Variants in ADAMTS12 observed in about 807,000 individuals in gnomAD.
The protein encoded by ADAMTS12 is A disintegrin and metalloproteinase with thrombospondin motifs 12.
In ADAMTS12, 118 loss-of-function variants were observed where a neutral mutation model predicts 167.8. The observed-to-expected ratio is 0.70, with a 90% confidence interval of 0.61 to 0.82. The LOEUF (loss-of-function observed/expected upper bound fraction) is 0.82, where lower values mean the gene tolerates loss of function less well. ADAMTS12 is among the 40% of genes least tolerant of loss of function. ADAMTS12 has a pLI of 0.00. For missense variants in ADAMTS12, 1,916 were observed against 1,998.8 expected, an observed-to-expected ratio of 0.96 and a Z score of 0.79; for synonymous variants, 704 against 716.9, an observed-to-expected ratio of 0.98 and a Z score of 0.29.
At chr5:33,871,003 A>G (rs1451988443) in intron 2 of ADAMTS12, among the ~76,000 whole-genome samples, 1 of 152,210 alleles carries the variant, frequency 6.6e-6, no homozygotes. Context: ...TAGCCATGTG[A>G]CAATGAATTA....
rs147276698 is a variant in ADAMTS12, at chr5:33,874,938, C to T, written c.489+6181G>A. On this transcript the variant is annotated intron_variant, in intron 2 of 23. Coordinates refer to ENST00000504830, the MANE Select transcript of ADAMTS12 (RefSeq NM_030955.4). Reference sequence around the variant, plus strand: ...CAAAAATTAGCTGGGCATTGTGGCACGTGCCTATAATCCTGGCTACTCGGG... The same window carrying T: ...CAAAAATTAGCTGGGCATTGTGGCATGTGCCTATAATCCTGGCTACTCGGG... Among the ~76,000 whole-genome samples the T allele has an allele frequency of 1.5e-3, 221 of 152,188 alleles. 2 individuals are homozygous for T. Among genetic ancestry groups the T allele is most frequent in the African/African-American group, 5.2e-3 (215 of 41,534 alleles).
At chr5:33,762,455 C>A (rs562670456) in intron 2 of ADAMTS12, among the ~76,000 whole-genome samples, 8 of 151,970 alleles carry the variant, frequency 5.3e-5, no homozygotes, top group South Asian at 2.1e-4. Context: ...TTGCAGTGAG[C>A]CGAGATCGTG....
At chr5:33,861,398 C>G (rs1041295387) in intron 2 of ADAMTS12, among the ~76,000 whole-genome samples, 2 of 152,112 alleles carry the variant, frequency 1.3e-5, no homozygotes, top group Non-Finnish European at 2.9e-5. Flanking sequence ...ATAAAACAGA[C>G]TTTAAGCCAA....
chr5:33,617,651 C>T (rs1315117166), intron 14 of ADAMTS12, among the ~76,000 whole-genome samples: 2 of 152,094 alleles, frequency 1.3e-5, no homozygotes, highest in African/African-American at 2.4e-5. Context: ...AAATGCCCTC[C>T]GAGTGTTGCT....
At chr5:33,885,568 G>A (rs1037147893) in intron 1 of ADAMTS12, among the ~76,000 whole-genome samples, 4 of 152,196 alleles carry the variant, frequency 2.6e-5, no homozygotes, top group African/African-American at 7.2e-5. Flanking sequence ...GGAGAGTGCT[G>A]TGCTGGCTTA....
intron 3 of ADAMTS12, among the ~76,000 whole-genome samples, chr5:33,693,448 G>A (rs1220911478): frequency 6.6e-6 from 1 of 152,076 alleles, no homozygotes; most frequent in East Asian, 1.9e-4. Context: ...CATATTTACA[G>A]TTTGTTCTAA....
intron 3 of ADAMTS12, among the ~76,000 whole-genome samples, chr5:33,747,841 T>C (rs1031524898): frequency 6.6e-6 from 1 of 152,180 alleles, no homozygotes. Context: ...CAGGACTAGA[T>C]CTCTACTTAC....
At chr5:33,656,983 T>C (rs1005376947) in intron 7 of ADAMTS12, among the ~76,000 whole-genome samples, 3 of 152,176 alleles carry the variant, frequency 2.0e-5, no homozygotes, top group Non-Finnish European at 2.9e-5. Context: ...CAAGGCCTTT[T>C]TGGTGAGAAT....
chr5:33,775,677 T>C (rs560349962), intron 2 of ADAMTS12, among the ~76,000 whole-genome samples: 1 of 152,282 alleles, frequency 6.6e-6, no homozygotes, highest in South Asian at 2.1e-4. Context: ...TACGAAATGA[T>C]GCATTGAAGA....
intron 5 of ADAMTS12, among the ~76,000 whole-genome samples, chr5:33,666,865 G>A (rs34141937): frequency 0.34 from 51,676 of 151,910 alleles, 9,134 homozygotes; most frequent in African/African-American, 0.45. Context: ...AGATTAATCC[G>A]TTTTTTATAT....
chr5:33,621,110 C>A (rs534105066), intron 14 of ADAMTS12, among the ~76,000 whole-genome samples: 1 of 152,176 alleles, frequency 6.6e-6, no homozygotes, highest in African/African-American at 2.4e-5. Flanking sequence ...CAGTCTTGAG[C>A]ACATTGAGCT....
chr5:33,813,838 C>G (rs200228621), intron 2 of ADAMTS12, among the ~76,000 whole-genome samples: 1 of 152,208 alleles, frequency 6.6e-6, no homozygotes, highest in South Asian at 2.1e-4. Flanking sequence ...ACATGCTGTG[C>G]CCCCTGAGCT....
chr5:33,591,995 C>T (rs1217084645), intron 17 of ADAMTS12, among the ~76,000 whole-genome samples: 5 of 151,600 alleles, frequency 3.3e-5, no homozygotes, highest in Admixed American at 1.3e-4. Flanking sequence ...CTGAGGTGGG[C>T]GGATCACCTG....
intron 6 of ADAMTS12, 30 bp downstream of exon 6, chr5:33,661,886 C>T (rs770188733): frequency 1.9e-6 from 3 of 1,611,862 alleles, no homozygotes; most frequent in East Asian, 2.2e-5. Flanking sequence ...TGCTTTACTG[C>T]CCCTGGGTTT....
chr5:33,709,707 G>A (rs1475084064), intron 3 of ADAMTS12, among the ~76,000 whole-genome samples: 3 of 151,976 alleles, frequency 2.0e-5, no homozygotes, highest in Non-Finnish European at 4.4e-5. Context: ...GATTGTTGTG[G>A]GGGGATGTGG....
At chr5:33,737,220 T>C (rs996453240) in intron 3 of ADAMTS12, among the ~76,000 whole-genome samples, 1 of 152,202 alleles carries the variant, frequency 6.6e-6, no homozygotes, top group Admixed American at 6.5e-5. Context: ...GACAGGCCCC[T>C]GTAAGATTGG....
chr5:33,660,314 T>C (rs1179695533), intron 6 of ADAMTS12, among the ~76,000 whole-genome samples: 1 of 152,198 alleles, frequency 6.6e-6, no homozygotes, highest in Admixed American at 6.5e-5. Flanking sequence ...ATTGTACCCG[T>C]TAACAGCAAT....
At chr5:33,659,396 A>G (rs1396313740) in intron 6 of ADAMTS12, among the ~76,000 whole-genome samples, 1 of 152,204 alleles carries the variant, frequency 6.6e-6, no homozygotes, top group Non-Finnish European at 1.5e-5. Context: ...TAAGAGAACC[A>G]ATCAAACACT....
intron 3 of ADAMTS12, among the ~76,000 whole-genome samples, chr5:33,729,598 TAGAA>T (rs1455178808): frequency 1.3e-5 from 2 of 152,298 alleles, no homozygotes; most frequent in African/African-American, 2.4e-5. Context: ...TTTACATACT[TAGAA>T]AGAGTTTAGT....
Sources: gnomAD v4.1 joint callset for allele counts (sites outside exome capture counted in the v4.1 genomes callset) on GRCh38, gnomAD v4.1.1 for gene constraint, MANE v1.5 for transcripts, NCBI Gene and HGNC (gene_info 2026-07-23, HGNC 2026-07-21) for gene names.